PCCA: variants seen among roughly 807,000 people sequenced by gnomAD.
PCCA encodes the protein propionyl-CoA carboxylase alpha chain, mitochondrial.
PCCA carries 74 observed loss-of-function variants against 101.3 expected under a neutral mutation model. The ratio of observed to expected loss-of-function variants is 0.73; its 90% CI spans 0.61 to 0.89. PCCA has a LOEUF of 0.89. PCCA is among the 40% of genes least tolerant of loss of function. PCCA has a pLI of 0.00. For synonymous variants in PCCA, 294 were observed against 313.6 expected (o/e 0.94, Z 0.66); for missense variants, 891 against 907.0 (o/e 0.98, Z 0.23).
At chr13:100,478,705 T>C (rs59482953) in intron 21 of PCCA, among the ~76,000 whole-genome samples, 35,588 of 152,082 alleles carry the variant, frequency 0.23, 4,280 homozygotes, top group Non-Finnish European at 0.25. Flanking sequence ...GAGTGACTCC[T>C]CACCTCCTAA....
chr13:100,475,773 G>T (rs1254596813), intron 21 of PCCA, among the ~76,000 whole-genome samples: 1 of 152,094 alleles, frequency 6.6e-6, no homozygotes, highest in African/African-American at 2.4e-5. Flanking sequence ...CAATGGGAGC[G>T]ATCCAGTTCT....
chr13:100,488,268 T>C (rs547013803), intron 21 of PCCA, among the ~76,000 whole-genome samples: 2 of 152,164 alleles, frequency 1.3e-5, no homozygotes, highest in South Asian at 4.2e-4. Flanking sequence ...TAATTTTGCA[T>C]TTTTAGTAGA....
chr13:100,143,526 C>A (rs766450324), intron 4 of PCCA, among the ~76,000 whole-genome samples: 1 of 142,248 alleles, frequency 7.0e-6, no homozygotes, highest in Non-Finnish European at 1.5e-5. Flanking sequence ...CAGAGCGAGA[C>A]TCTGCATCCA....
intron 19 of PCCA, among the ~76,000 whole-genome samples, chr13:100,395,558 G>A (rs9582388): frequency 0.015 from 2,262 of 152,258 alleles, 49 homozygotes; most frequent in African/African-American, 0.052. Flanking sequence ...TTTATGTCTT[G>A]TGACTATCTT....
rs192350779 is a variant in PCCA at position 100,172,412 on chromosome 13, T to C, written c.468+15072T>C. 3.4e-3 allele frequency among the ~76,000 whole-genome samples: 516 copies of C among 152,314 alleles called. 3 individuals are homozygous for C. The highest frequency in any genetic ancestry group is 5.3e-3 in the Admixed American group (81 of 15,306). ...TACATGAAAGATCATAAATTGATTT[T>C]TAAAAATGACTTCTAATGTTAATAG... is the stretch of plus-strand genomic sequence containing the variant. On this transcript the variant is annotated intron_variant, in intron 6 of 23. Coordinates refer to ENST00000376285, the MANE Select transcript of PCCA (RefSeq NM_000282.4).
chr13:100,180,225 A>G (rs1469304966), intron 6 of PCCA, among the ~76,000 whole-genome samples: 1 of 152,220 alleles, frequency 6.6e-6, no homozygotes, highest in Non-Finnish European at 1.5e-5. Flanking sequence ...TTTGCTACAT[A>G]GGAGCAGAAA....
chr13:100,363,532 CT>C (rs2074862020), intron 18 of PCCA, among the ~76,000 whole-genome samples: 2 of 152,196 alleles, frequency 1.3e-5, no homozygotes, highest in Non-Finnish European at 2.9e-5. Context: ...GAATGGCCCA[CT>C]TTCTGAAGGC....
At chr13:100,521,332 C>T (rs1172772031) in intron 22 of PCCA, among the ~76,000 whole-genome samples, 1 of 152,180 alleles carries the variant, frequency 6.6e-6, no homozygotes, top group Admixed American at 6.5e-5. Flanking sequence ...GAGCCGGCAG[C>T]GGGGCTGGAC....
rs184104674 is a variant in PCCA, at chr13:100,421,677, A to G, written c.1747-3956A>G. On this transcript the variant is annotated intron_variant, in intron 19 of 23. Coordinates refer to ENST00000376285, the MANE Select transcript of PCCA (RefSeq NM_000282.4). ...CCTGAGTTTTTTTCCTTTCTTGTAC[A>G]TGATTTCTTATTTTTTATTTTTTTT... 1.4e-3 allele frequency among the ~76,000 whole-genome samples: 209 copies of G among 151,272 alleles called. 2 individuals carry two copies. Among genetic ancestry groups the G allele is most frequent in the Non-Finnish European group, 2.0e-3 (138 of 67,826 alleles).
chr13:100,304,590 G>A (rs1381571723), intron 14 of PCCA, among the ~76,000 whole-genome samples: 1 of 152,126 alleles, frequency 6.6e-6, no homozygotes, highest in Non-Finnish European at 1.5e-5. Flanking sequence ...TGAGAATGAA[G>A]GGTGGGAGAT....
chr13:100,122,169 G>T lies in PCCA; in HGVS notation c.300+10108G>T. ...TTGTTACATTAATTGATTTTTTTGGGTGTTAAACCAGCCTTGAATTCCTGA... is the reference window on the plus strand; with the variant it reads ...TTGTTACATTAATTGATTTTTTTGGTTGTTAAACCAGCCTTGAATTCCTGA... On this transcript the variant is annotated intron_variant, in intron 4 of 23. Coordinates refer to ENST00000376285, the MANE Select transcript of PCCA (RefSeq NM_000282.4). Among the ~76,000 whole-genome samples the T allele has an allele frequency of 2.0e-5, 3 of 152,110 alleles. No homozygotes were observed. The South Asian group carries it at 6.2e-4, about 32-fold the overall frequency.
At chr13:100,138,079 C>T (rs969695974) in intron 4 of PCCA, among the ~76,000 whole-genome samples, 1 of 152,194 alleles carries the variant, frequency 6.6e-6, no homozygotes, top group African/African-American at 2.4e-5. Flanking sequence ...TGAACCACCA[C>T]ACCTGGCCAC....
At chr13:100,380,631 T>A (rs559825510) in intron 19 of PCCA, among the ~76,000 whole-genome samples, 3 of 152,300 alleles carry the variant, frequency 2.0e-5, no homozygotes, top group Admixed American at 2.0e-4. Flanking sequence ...TGGGTTCACA[T>A]GTAAAGGAAT....
intron 2 of PCCA, among the ~76,000 whole-genome samples, chr13:100,110,962 C>T (rs943659817): frequency 9.2e-5 from 14 of 151,564 alleles, no homozygotes; most frequent in Middle Eastern, 3.4e-3. Context: ...ATTACCAGCA[C>T]TTGGGATTAC....
chr13:100,509,820 G>A (rs61971599), intron 21 of PCCA, among the ~76,000 whole-genome samples: 1 of 115,708 alleles, frequency 8.6e-6, no homozygotes, highest in African/African-American at 3.2e-5. Context: ...TTTTTGTTTT[G>A]TGTTTTTTTT....
intron 5 of PCCA, 107 bp downstream of exon 5, chr13:100,155,199 T>A: frequency 1.3e-6 from 1 of 782,818 alleles, no homozygotes; most frequent in Non-Finnish European, 2.2e-6. Flanking sequence ...GAAAATGCTG[T>A]TGCAGTTAGT....
At chr13:100,206,613 G>C (rs903957256) in intron 6 of PCCA, among the ~76,000 whole-genome samples, 3 of 152,126 alleles carry the variant, frequency 2.0e-5, no homozygotes, top group African/African-American at 7.2e-5. Context: ...AAAACTAACA[G>C]TTGTGGCACT....
intron 12 of PCCA, among the ~76,000 whole-genome samples, chr13:100,276,600 C>G (rs1020728521): frequency 7.2e-5 from 11 of 152,012 alleles, no homozygotes; most frequent in Non-Finnish European, 1.2e-4. Flanking sequence ...TTCTTATGCT[C>G]TCTTTGATAT....
chr13:100,169,716 T>TC (rs2055437747), intron 6 of PCCA, among the ~76,000 whole-genome samples: 1 of 150,582 alleles, frequency 6.6e-6, no homozygotes, highest in South Asian at 2.1e-4. Flanking sequence ...TTTTTTTTTT[T>TC]TGAGATGGAG....
Sources: allele counts gnomAD v4.1 joint callset (sites outside exome capture counted in the v4.1 genomes callset), GRCh38; gene constraint gnomAD v4.1.1; transcripts MANE v1.5; gene names NCBI Gene and HGNC (gene_info 2026-07-23, HGNC 2026-07-21).